The following VAV3 variants were observed in gnomAD, a reference collection of about 807,000 sequenced individuals.
The protein encoded by VAV3 is guanine nucleotide exchange factor VAV3.
A neutral mutation model predicts 131.2 loss-of-function variants in VAV3; 94 were observed. That is an observed-to-expected ratio of 0.72 (90% CI 0.61 to 0.85). VAV3 has a LOEUF of 0.85. Ranked by LOEUF, VAV3 falls within the 40% of genes least tolerant of loss-of-function variation. The probability of loss-of-function intolerance (pLI) is 0.00; values close to 1 mark genes in which losing one functional copy is unlikely to be tolerated. For missense variants in VAV3, 939 were observed against 1,002.7 expected (o/e 0.94, Z 0.86); for synonymous variants, 349 against 342.0 (o/e 1.02, Z -0.22).
chr1:107,927,916 G>A (rs1029502758), intron 1 of VAV3, among the ~76,000 whole-genome samples: 1 of 152,092 alleles, frequency 6.6e-6, no homozygotes, highest in Non-Finnish European at 1.5e-5. Flanking sequence ...GGACACCAGG[G>A]CCTTGAAAGA....
At chr1:107,763,519 T>C (rs981962010) in intron 9 of VAV3, among the ~76,000 whole-genome samples, 3 of 152,182 alleles carry the variant, frequency 2.0e-5, no homozygotes, top group African/African-American at 7.2e-5. Context: ...GGTGTATAAG[T>C]TGTAAAATTT....
Position 107,593,175 on chromosome 1 carries a change from A to T in VAV3, c.2350+3037T>A, listed in dbSNP as rs1270420009. Among the ~76,000 whole-genome samples, 6 of 152,268 alleles carry T rather than the reference A, an allele frequency of 3.9e-5. No individual in the cohort carries two copies. The East Asian group carries it at 1.2e-3, about 29-fold the overall frequency. On this transcript the variant is annotated intron_variant, in intron 25 of 26. Transcript: ENST00000370056. ...TTATGCTCCTTGCCCAATACTTTGGACACTTGCTTAATTCTAATCAATATC... is the reference window on the plus strand; with the variant it reads ...TTATGCTCCTTGCCCAATACTTTGGTCACTTGCTTAATTCTAATCAATATC...
At chr1:107,842,327 T>C (rs878932340) in intron 2 of VAV3, among the ~76,000 whole-genome samples, 1 of 152,202 alleles carries the variant, frequency 6.6e-6, no homozygotes, top group East Asian at 1.9e-4. Flanking sequence ...CACTCTGCAC[T>C]GTTGGCCACA....
chr1:107,961,392 C>A (rs1675075186), intron 1 of VAV3, among the ~76,000 whole-genome samples: 1 of 152,132 alleles, frequency 6.6e-6, no homozygotes, highest in Non-Finnish European at 1.5e-5. Flanking sequence ...TGCCGCCCAC[C>A]CAGTACAGCT....
At chr1:107,930,283 T>G (rs1673364897) in intron 1 of VAV3, among the ~76,000 whole-genome samples, 1 of 152,164 alleles carries the variant, frequency 6.6e-6, no homozygotes, top group African/African-American at 2.4e-5. Flanking sequence ...AAATATCTCA[T>G]GTAATCCATA....
intron 3 of VAV3, among the ~76,000 whole-genome samples, chr1:107,777,966 C>A (rs1665459540): frequency 6.6e-6 from 1 of 152,110 alleles, no homozygotes; most frequent in Non-Finnish European, 1.5e-5. Flanking sequence ...ATCTCCTATT[C>A]CCACTGTGTG....
intron 1 of VAV3, among the ~76,000 whole-genome samples, chr1:107,924,393 A>C (rs1033872302): frequency 7.9e-6 from 1 of 126,310 alleles, no homozygotes; most frequent in Non-Finnish European, 1.7e-5. Context: ...ATATTATGAC[A>C]AAAAAAAAAA....
At chr1:107,596,372 A>G (rs1651386033) in intron 24 of VAV3, 31 bp from the exon 25 acceptor site, 2 of 1,609,512 alleles carry the variant, frequency 1.2e-6, no homozygotes, top group Admixed American at 3.4e-5. Context: ...CATATTTTTG[A>G]TAAGGATACT....
intron 1 of VAV3, among the ~76,000 whole-genome samples, chr1:107,885,905 T>A (rs1671009706): frequency 6.6e-6 from 1 of 152,140 alleles, no homozygotes; most frequent in Non-Finnish European, 1.5e-5. Flanking sequence ...GGGATGATAA[T>A]CTTGAGAAAG....
At chr1:107,670,833 C>T (rs1468644898) in intron 19 of VAV3, among the ~76,000 whole-genome samples, 2 of 152,064 alleles carry the variant, frequency 1.3e-5, no homozygotes, top group Non-Finnish European at 2.9e-5. Flanking sequence ...CAACCTGAGT[C>T]CATATGCTTT....
chr1:107,753,527 CGT>C (rs757103515), intron 12 of VAV3, among the ~76,000 whole-genome samples: 31,603 of 94,558 alleles, frequency 0.33, 6,113 homozygotes, highest in Non-Finnish European at 0.38. Flanking sequence ...TATATATATA[CGT>C]ATATATATAT....
rs181331168 is a variant in VAV3, at chr1:107,721,815, C to T, written c.1503-16754G>A. Among the ~76,000 whole-genome samples, 116 of 152,296 alleles carry T rather than the reference C, an allele frequency of 7.6e-4. 1 individual carries two copies. Among genetic ancestry groups the T allele is most frequent in the South Asian group, 6.6e-3 (32 of 4,828 alleles). On this transcript the variant is annotated intron_variant, in intron 15 of 26. Transcript: ENST00000370056. ...AGCCTAGCTTTCAGCTTCCTCCAGA[C>T]CCAGCATGACTGAGGGCCACCATTC...
chr1:107,727,500 C>T (rs1272888370), intron 15 of VAV3, among the ~76,000 whole-genome samples: 1 of 152,168 alleles, frequency 6.6e-6, no homozygotes, highest in East Asian at 1.9e-4. Context: ...TTTATGAAAT[C>T]AGGTTTATTG....
At chr1:107,813,975 T>TGTGTGTGC (rs1667446882) in intron 2 of VAV3, among the ~76,000 whole-genome samples, 1 of 112,932 alleles carries the variant, frequency 8.9e-6, no homozygotes, top group African/African-American at 3.0e-5. Context: ...CCAGTGTGTG[T>TGTGTGTGC]GTGTGTGTGT....
intron 1 of VAV3, among the ~76,000 whole-genome samples, chr1:107,879,869 T>A (rs994545838): frequency 2.0e-5 from 3 of 152,226 alleles, no homozygotes; most frequent in Admixed American, 6.5e-5. Context: ...CAAGTAAGGA[T>A]ACACAAAAGT....
chr1:107,779,091 A>T (rs1001075086), intron 3 of VAV3, among the ~76,000 whole-genome samples: 4 of 152,110 alleles, frequency 2.6e-5, no homozygotes, highest in African/African-American at 9.7e-5. Flanking sequence ...ATATTACAAC[A>T]TCTTATAAAT....
intron 15 of VAV3, among the ~76,000 whole-genome samples, chr1:107,720,791 T>C (rs529722918): frequency 6.6e-6 from 1 of 152,294 alleles, no homozygotes; most frequent in South Asian, 2.1e-4. Context: ...AAGGCCCACA[T>C]ACATCAACAA....
intron 14 of VAV3, 115 bp from the exon 15 acceptor site, chr1:107,749,192 G>C: frequency 1.1e-6 from 1 of 881,774 alleles, no homozygotes; most frequent in East Asian, 2.7e-5. Context: ...TGTACAAACT[G>C]AACAATCAAG....
At chr1:107,792,049 G>T (rs1666312084) in intron 2 of VAV3, among the ~76,000 whole-genome samples, 1 of 152,096 alleles carries the variant, frequency 6.6e-6, no homozygotes, top group East Asian at 1.9e-4. Context: ...TTGACTTATA[G>T]CACTCATTAA....
Sources: gnomAD v4.1 joint callset for allele counts (sites outside exome capture counted in the v4.1 genomes callset) on GRCh38, gnomAD v4.1.1 for gene constraint, MANE v1.5 for transcripts, NCBI Gene and HGNC (gene_info 2026-07-23, HGNC 2026-07-21) for gene names.